The following ZNF641 variants were observed in gnomAD, a reference collection of about 807,000 sequenced individuals.
ZNF641 encodes zinc finger protein 641.
In ZNF641, 26 loss-of-function variants were observed where a neutral mutation model predicts 46.2. The observed-to-expected ratio is 0.56, with a 90% CI of 0.41 to 0.78. The LOEUF (loss-of-function observed/expected upper bound fraction) is 0.78. ZNF641 is among the 30% of genes least tolerant of loss of function. The probability of loss-of-function intolerance (pLI) is 0.00; values close to 1 mark genes in which losing one functional copy is unlikely to be tolerated. For missense variants in ZNF641, 469 were observed against 517.8 expected (o/e 0.91, Z 0.91); for synonymous variants, 163 against 187.9 (o/e 0.87, Z 1.09).
At chr12:48,348,650 G>A (rs746557353) in intron 1 of ZNF641, among the ~76,000 whole-genome samples, 2 of 152,194 alleles carry the variant, frequency 1.3e-5, no homozygotes, top group Non-Finnish European at 2.9e-5. Flanking sequence ...TGGGCCAAAA[G>A]GTACCTCACT....
In ZNF641 at chr12:48,341,994, T is replaced by C; in HGVS notation, c.*979A>G. On this transcript the variant is annotated 3_prime_UTR_variant, in exon 6 of 6. Transcript: ENST00000547026. The stretch of plus-strand genomic sequence containing the variant: ...ACCCTCATCCCCAGAACACAGCCCC[T>C]AGAAAACCTAGCTTGTACAGTTTGC... The C allele has an allele frequency of 1.0e-6, 1 of 985,430 alleles. No homozygotes were observed. The allele number at this position is 985,430 out of a possible 1,614,324, so 61.0% of individuals were successfully genotyped here.
At position 48,342,313 on chromosome 12, in the gene ZNF641, ACAGACC is replaced by A; in HGVS notation, c.*654_*659del. On this transcript the variant is annotated 3_prime_UTR_variant, in exon 6 of 6. Coordinates refer to ENST00000547026, the MANE Select transcript of ZNF641 (RefSeq NM_001172681.2). ...TATACTGCTGATTGGCATAAGGAAG[ACAGACC>A]CACACATGAACAAGGTCTGGCCCCC... The A allele has an allele frequency of 4.1e-6, 4 of 985,722 alleles. No homozygotes were observed. The highest frequency in any genetic ancestry group is 3.6e-6 in the Non-Finnish European group (3 of 830,220). The allele number at this position is 985,722 out of a possible 1,614,324, so 61.1% of individuals were successfully genotyped here.
chr12:48,341,018 A>C lies in ZNF641; in HGVS notation c.*1955T>G. 16 of 985,486 alleles carry C rather than the reference A, an allele frequency of 1.6e-5. No individual in the cohort carries two copies. Among genetic ancestry groups the C allele is most frequent in the Non-Finnish European group, 1.8e-5 (15 of 829,952 alleles). 61.0% of individuals were successfully genotyped at this position (985,486 alleles called of 1,614,324 possible). ...TTCCAGGAAGAATGAAGGAAGAAGGAAGGCTGCTCACAGTAGCAGAAGGGA... is the reference window on the plus strand; with the variant it reads ...TTCCAGGAAGAATGAAGGAAGAAGGCAGGCTGCTCACAGTAGCAGAAGGGA... On this transcript the variant is annotated 3_prime_UTR_variant, in exon 6 of 6. Coordinates refer to ENST00000547026, the MANE Select transcript of ZNF641 (RefSeq NM_001172681.2).
rs763871502 is a variant in ZNF641 at position 48,343,082 on chromosome 12, G to C, written c.1166C>G (p.Pro389Arg). Residue 389 changes from proline to arginine, a missense_variant, in exon 6 of 6, where the codon CCT becomes CGT. Physicochemically the swap from Pro to Arg is moderately radical, Grantham distance 103. Coordinates refer to ENST00000547026, the MANE Select transcript of ZNF641 (RefSeq NM_001172681.2). ...THTGEKPFQC[P>R]RCEKSFGRKH... is the part of the protein sequence containing the mutation. Reference sequence around the variant, plus strand: ...TCGGCCAAAGCTCTTCTCACAGCGAGGGCACTGGAAGGGCTTCTCCCCAGT... The same window carrying C: ...TCGGCCAAAGCTCTTCTCACAGCGACGGCACTGGAAGGGCTTCTCCCCAGT... 1.2e-5 allele frequency: 19 copies of C among 1,614,254 alleles called. No individual in the cohort carries two copies. The South Asian group carries it at 2.1e-4, about 18-fold the overall frequency.
rs1450340900 is a variant in ZNF641 at position 48,341,252 on chromosome 12, CAT to C, written c.*1719_*1720del. On this transcript the variant is annotated 3_prime_UTR_variant, in exon 6 of 6. Coordinates refer to ENST00000547026, the MANE Select transcript of ZNF641 (RefSeq NM_001172681.2). ...TTCCACCAATTGTGGTTGAGAAACA[CAT>C]CTTAGGGAAGAAACAGTATCTAAGC... 1 of 985,442 alleles carries C rather than the reference CAT, an allele frequency of 1.0e-6. No individual in the cohort carries two copies. 61.0% of individuals were successfully genotyped at this position (985,442 alleles called of 1,614,324 possible).
intron 5 of ZNF641, 193 bp downstream of exon 5, chr12:48,344,406 A>T (rs1431418507): frequency 2.3e-6 from 1 of 432,096 alleles, no homozygotes; most frequent in Non-Finnish European, 4.1e-6. Context: ...AGGTCCCACA[A>T]CTACAGCCCA....
rs990859450 is a variant in ZNF641, at chr12:48,341,423, T to C, written c.*1550A>G. Reference sequence around the variant, plus strand: ...CAATGACCAACTCATTAGCTAACGATGCTAGAATACTTATGCAAGCCCTAG... The same window carrying C: ...CAATGACCAACTCATTAGCTAACGACGCTAGAATACTTATGCAAGCCCTAG... On this transcript the variant is annotated 3_prime_UTR_variant, in exon 6 of 6. Transcript: ENST00000547026. The C allele has an allele frequency of 1.0e-6, 1 of 985,338 alleles. No homozygotes were observed. The highest frequency in any genetic ancestry group is 1.2e-6 in the Non-Finnish European group (1 of 829,948). 61.0% of individuals were successfully genotyped at this position (985,338 alleles called of 1,614,324 possible).
At position 48,340,248 on chromosome 12, in the gene ZNF641, T is replaced by G; in HGVS notation, c.*2725A>C. 20 of 985,450 alleles carry G rather than the reference T, an allele frequency of 2.0e-5. No homozygotes were observed. Among genetic ancestry groups the G allele is most frequent in the Non-Finnish European group, 2.3e-5 (19 of 829,934 alleles). The allele number at this position is 985,450 out of a possible 1,614,324, so 61.0% of individuals were successfully genotyped here. On this transcript the variant is annotated 3_prime_UTR_variant, in exon 6 of 6. Coordinates refer to ENST00000547026, the MANE Select transcript of ZNF641 (RefSeq NM_001172681.2). ...CCCCTTCTGTAGAAGGCCCTTAGAC[T>G]CCATGATGCCTTTCAGCTGGGTGCT...
Position 48,347,887 on chromosome 12 carries a change from C to T in ZNF641, c.184+20G>A, listed in dbSNP as rs1423960805. ...AGGAGACTATGCACTGTGCTTCCCA[C>T]ACACTCTGTGAGTTCTCACCCTTCT... is the stretch of plus-strand genomic sequence containing the variant. On this transcript the variant is annotated intron_variant, in intron 2 of 5. Transcript: ENST00000547026. The T allele has an allele frequency of 6.2e-7, 1 of 1,612,068 alleles. No homozygotes were observed. Among genetic ancestry groups the T allele is most frequent in the African/African-American group, 1.3e-5 (1 of 74,906 alleles).
rs1952779897 is a variant in ZNF641, at chr12:48,343,572, GC to G, written c.675del (p.Pro227LeufsTer21). The G allele has an allele frequency of 1.2e-6, 2 of 1,604,504 alleles. No individual in the cohort carries two copies. The highest frequency in any genetic ancestry group is 1.7e-6 in the Non-Finnish European group (2 of 1,174,734). ...MPSSSRGMLL[G>X]PPFLQEDSFS... Reference sequence around the variant, plus strand: ...AAACTATCTTCCTGAAGAAAAGGGGGCCCCAGGAGCATTCCTCTGGAGCTGC... The same window carrying G: ...AAACTATCTTCCTGAAGAAAAGGGGGCCCAGGAGCATTCCTCTGGAGCTGC... On this transcript the variant is annotated frameshift_variant, in exon 6 of 6. Transcript: ENST00000547026. LOFTEE classifies it high-confidence loss of function.
At chr12:48,335,038 C>T (rs944000807), downstream of ZNF641, among the ~76,000 whole-genome samples, 1 of 152,218 alleles carries the variant, frequency 6.6e-6, no homozygotes, top group Admixed American at 6.5e-5. Flanking sequence ...CGCCTCCCCC[C>T]CACCATGGGT....
At chr12:48,349,032 T>TA (rs1307520081) in intron 1 of ZNF641, among the ~76,000 whole-genome samples, 1 of 152,150 alleles carries the variant, frequency 6.6e-6, no homozygotes, top group East Asian at 1.9e-4. Flanking sequence ...GGATTGGAAA[T>TA]ACAGCCACTG....
Position 48,344,660 on chromosome 12 carries a change from T to G in ZNF641, c.459A>C (p.Glu153Asp), listed in dbSNP as rs768270216. Reference protein sequence around the residue: ...DMLSQLEGGEEQWVPDPQDLE... With the variant: ...DMLSQLEGGEDQWVPDPQDLE... The stretch of plus-strand genomic sequence containing the variant: ...AGTCCTGGGGGTCAGGGACCCATTG[T>G]TCTTCTCCTCCTTCTAGTTGAGAAA... The change falls in exon 5 of 6, where the codon GAA (glutamate) becomes GAC (aspartate). Residue 153 changes from glutamate to aspartate, a missense_variant. Glu to Asp is a conservative substitution (Grantham distance 45). Transcript: ENST00000547026. 1.2e-6 allele frequency: 2 copies of G among 1,613,824 alleles called. No homozygotes were observed. The highest frequency in any genetic ancestry group is 1.7e-6 in the Non-Finnish European group (2 of 1,179,840).
rs766358250 is a variant in ZNF641 at position 48,343,588 on chromosome 12, T to TTTGGAG, written c.659_660insCTCCAA (p.Arg220delinsSerSerLys). On this transcript the variant is annotated protein_altering_variant, in exon 6 of 6. Coordinates refer to ENST00000547026, the MANE Select transcript of ZNF641 (RefSeq NM_001172681.2). The stretch of plus-strand genomic sequence containing the variant: ...GAAAAGGGGGCCCCAGGAGCATTCC[T>TTTGGAG]CTGGAGCTGCTGGGCATGGAATCCC... 1 of 1,606,366 alleles carries TTTGGAG rather than the reference T, an allele frequency of 6.2e-7. No individual in the cohort carries two copies. Among genetic ancestry groups the TTTGGAG allele is most frequent in the East Asian group, 2.2e-5 (1 of 44,778 alleles).
At chr12:48,348,168 T>C (rs1462461503) in intron 1 of ZNF641, 53 bp from the exon 2 acceptor site, 6 of 1,581,100 alleles carry the variant, frequency 3.8e-6, no homozygotes, top group Admixed American at 1.7e-5. Flanking sequence ...GGAGTGATAT[T>C]TCTAAGGGAG....
In ZNF641 at chr12:48,341,364, G is replaced by C. The variant is rs1254440756; in HGVS notation, c.*1609C>G. On this transcript the variant is annotated 3_prime_UTR_variant, in exon 6 of 6. Coordinates refer to ENST00000547026, the MANE Select transcript of ZNF641 (RefSeq NM_001172681.2). ...ATACAAGATAATTTTTAAATTATAAGATTGGTATTAACACAATTATTGATA... is the reference window on the plus strand; with the variant it reads ...ATACAAGATAATTTTTAAATTATAACATTGGTATTAACACAATTATTGATA... The C allele has an allele frequency of 1.0e-6, 1 of 985,150 alleles. No homozygotes were observed. Among genetic ancestry groups the C allele is most frequent in the East Asian group, 1.1e-4 (1 of 8,832 alleles). The allele number at this position is 985,150 out of a possible 1,614,324, so 61.0% of individuals were successfully genotyped here.
In ZNF641 at chr12:48,350,775, GCT is replaced by G. The variant is rs992876868; in HGVS notation, c.-26+9_-26+10del. 145 of 971,392 alleles carry G rather than the reference GCT, an allele frequency of 1.5e-4. No individual in the cohort carries two copies. Among genetic ancestry groups the G allele is most frequent in the Non-Finnish European group, 1.7e-4 (138 of 817,192 alleles). 60.2% of individuals were successfully genotyped at this position (971,392 alleles called of 1,614,324 possible). ...TCCAGCCGCAGCTCCCTCCGGCCCG[GCT>G]CCACTCACCCCCGGTAGGCTTGGCC... On this transcript the variant is annotated intron_variant, in intron 1 of 5. Coordinates refer to ENST00000547026, the MANE Select transcript of ZNF641 (RefSeq NM_001172681.2).
In ZNF641 at chr12:48,339,024, T is replaced by C. The variant is rs1952662534; in HGVS notation, c.*3949A>G. On this transcript the variant is annotated 3_prime_UTR_variant, in exon 6 of 6. Coordinates refer to ENST00000547026, the MANE Select transcript of ZNF641 (RefSeq NM_001172681.2). ...GGATTTTCCACCTTTGAGTTGTTTA[T>C]TCCTTTCTGTCCTTTCAGATTTCTG... 6.6e-6 allele frequency: 1 copy of C among 152,248 alleles called. No homozygotes were observed. Among genetic ancestry groups the C allele is most frequent in the African/African-American group, 2.4e-5 (1 of 41,458 alleles). The allele number at this position is 152,248 out of a possible 1,614,324, so 9.4% of individuals were successfully genotyped here.
At position 48,340,004 on chromosome 12, in the gene ZNF641, C is replaced by G. The variant is rs1204714527; in HGVS notation, c.*2969G>C. ...GTGACAGGTTCCTGAAGATGATATC[C>G]CTGTTTTACATTTTGCCCAAAGAGA... is the stretch of plus-strand genomic sequence containing the variant. On this transcript the variant is annotated 3_prime_UTR_variant, in exon 6 of 6. Coordinates refer to ENST00000547026, the MANE Select transcript of ZNF641 (RefSeq NM_001172681.2). 1 of 985,244 alleles carries G rather than the reference C, an allele frequency of 1.0e-6. No individual in the cohort carries two copies. Among genetic ancestry groups the G allele is most frequent in the African/African-American group, 1.7e-5 (1 of 57,190 alleles). 61.0% of individuals were successfully genotyped at this position (985,244 alleles called of 1,614,324 possible).
Sources: allele counts gnomAD v4.1 joint callset (sites outside exome capture counted in the v4.1 genomes callset), GRCh38; gene constraint gnomAD v4.1.1; transcripts MANE v1.5; gene names NCBI Gene and HGNC (gene_info 2026-07-23, HGNC 2026-07-21).